NRK: variants seen among roughly 807,000 people sequenced by gnomAD.
NRK encodes Nik related kinase.
A neutral mutation model predicts 125.2 loss-of-function variants in NRK; 67 were observed. The ratio of observed to expected loss-of-function variants is 0.54; its 90% CI spans 0.44 to 0.66. The LOEUF (loss-of-function observed/expected upper bound fraction) is 0.66, where lower values mean the gene tolerates loss of function less well. Among genes scored for constraint, NRK ranks in the 30% least tolerant of loss-of-function variants. NRK has a pLI of 0.00. For missense variants in NRK, 1,224 were observed against 1,192.9 expected, an observed-to-expected ratio of 1.03 and a Z score of -0.38; for synonymous variants, 458 against 429.0, an observed-to-expected ratio of 1.07 and a Z score of -0.84.
intron 4 of NRK, among the ~76,000 whole-genome samples, chrX:105,885,080 C>G (rs1210326729): frequency 1.8e-5 from 2 of 112,185 alleles, no homozygotes; most frequent in African/African-American, 6.5e-5. Context: ...TGTGAGCCAC[C>G]ACGCCAGGCC....
intron 2 of NRK, among the ~76,000 whole-genome samples, chrX:105,855,501 C>T (rs1330309626): frequency 9.0e-6 from 1 of 111,036 alleles, no homozygotes; most frequent in Non-Finnish European, 1.9e-5. Flanking sequence ...ATCCTTAGGG[C>T]CTCTCACCTC....
chrX:105,927,202 T>C (rs1315492619), intron 19 of NRK, among the ~76,000 whole-genome samples: 1 of 111,062 alleles, frequency 9.0e-6, no homozygotes, highest in African/African-American at 3.3e-5. Flanking sequence ...TTTCACCTCA[T>C]TGGTTAAATT....
At chrX:105,955,168 T>C (rs1172710502) in intron 28 of NRK, among the ~76,000 whole-genome samples, 1 of 111,551 alleles carries the variant, frequency 9.0e-6, no homozygotes, top group Non-Finnish European at 1.9e-5. Flanking sequence ...AAAAGCCAAC[T>C]GGAATATAAG....
intron 14 of NRK, among the ~76,000 whole-genome samples, chrX:105,913,676 C>T (rs2040329623): frequency 9.0e-6 from 1 of 110,706 alleles, no homozygotes; most frequent in African/African-American, 3.3e-5. Flanking sequence ...TACCAAATAC[C>T]CAGAGTTTAA....
rs1192936598 is a variant in NRK, at chrX:105,917,548, A to C, written c.2418-30A>C. 7 of 953,787 alleles carry C rather than the reference A, an allele frequency of 7.3e-6. No individual in the cohort carries two copies. In the South Asian group the frequency reaches 1.7e-4, roughly 23 times the overall value. The allele number at this position is 953,787 out of a possible 1,213,427, so 78.6% of individuals were successfully genotyped here. A position where few individuals can be genotyped will look rare whatever the true frequency, so the allele number is the denominator to read the frequency against. On this transcript the variant is annotated intron_variant, in intron 15 of 28. Transcript: ENST00000243300. Reference sequence around the variant, plus strand: ...ACATTCCCTTTATGAATGTTAGGACATGGCACATGCTTTTCTGTCTTTTCA... The same window carrying C: ...ACATTCCCTTTATGAATGTTAGGACCTGGCACATGCTTTTCTGTCTTTTCA...
chrX:105,920,722 A>G (rs1375212242), intron 16 of NRK, among the ~76,000 whole-genome samples: 29 of 109,803 alleles, frequency 2.6e-4, no homozygotes, highest in Non-Finnish European at 3.0e-4. Context: ...CAAAAAACAC[A>G]TGAAAAAATG....
chrX:105,910,672 G>A (rs2040287784), intron 13 of NRK, among the ~76,000 whole-genome samples: 1 of 111,496 alleles, frequency 9.0e-6, no homozygotes, highest in African/African-American at 3.3e-5. Flanking sequence ...GGAGTTCTGG[G>A]ATGGGGTTTT....
intron 27 of NRK, among the ~76,000 whole-genome samples, chrX:105,951,216 C>A (rs1008170412): frequency 9.1e-6 from 1 of 110,488 alleles, no homozygotes; most frequent in African/African-American, 3.3e-5. Flanking sequence ...CTTTTGTGAT[C>A]GATATGCTAA....
intron 16 of NRK, among the ~76,000 whole-genome samples, chrX:105,921,116 T>C (rs1333256787): frequency 2.0e-5 from 2 of 102,257 alleles, no homozygotes; most frequent in African/African-American, 7.2e-5. Context: ...ATTAAGAAAA[T>C]GTGGCACATA....
At chrX:105,835,129 A>G (rs1327173130) in intron 2 of NRK, among the ~76,000 whole-genome samples, 1 of 111,563 alleles carries the variant, frequency 9.0e-6, no homozygotes, top group Non-Finnish European at 1.9e-5. Flanking sequence ...AGTAAATAGT[A>G]TTTATTTCTT....
intron 2 of NRK, among the ~76,000 whole-genome samples, chrX:105,875,055 T>C (rs2039796186): frequency 8.9e-6 from 1 of 111,798 alleles, no homozygotes; most frequent in Admixed American, 9.5e-5. Flanking sequence ...CATGGTAGCA[T>C]ATATTTTTTC....
In NRK at chrX:105,944,021, G is replaced by C; in HGVS notation, c.4039G>C (p.Asp1347His). 8.9e-7 allele frequency: 1 copy of C among 1,128,472 alleles called. No homozygotes were observed. Among genetic ancestry groups the C allele is most frequent in the African/African-American group, 1.8e-5 (1 of 56,193 alleles). 93.0% of individuals were successfully genotyped at this position (1,128,472 alleles called of 1,213,427 possible). The part of the protein sequence containing the change: ...HLYAWAPKSF[D>H]ESTAIKVCID... ...TTATGCATGGGCACCAAAGTCCTTT[G>C]ATGAAAGCACTGCTATTAAAGTGAG... is the stretch of plus-strand genomic sequence containing the variant. Residue 1347 changes from aspartate to histidine, a missense_variant, in exon 24 of 29, where the codon GAT becomes CAT. Transcript: ENST00000243300.
At position 105,927,845 on chromosome X, in the gene NRK, A is replaced by G. The variant is rs780606263; in HGVS notation, c.3312+2814A>G. ...GATAAATCACACTCAATCATGGTGT[A>G]TAATATTTTTGATATGGTATTGGAT... On this transcript the variant is annotated intron_variant, in intron 19 of 28. Transcript: ENST00000243300. Among the ~76,000 whole-genome samples, 19 of 111,613 alleles carry G rather than the reference A, an allele frequency of 1.7e-4. No homozygotes were observed. The South Asian group carries it at 2.2e-3, about 13-fold the overall frequency.
chrX:105,932,474 T>C lies in NRK; in HGVS notation c.3313-1784T>C, dbSNP rs764792717. 5.3e-5 allele frequency among the ~76,000 whole-genome samples: 6 copies of C among 112,787 alleles called. No individual in the cohort carries two copies. The East Asian group carries it at 1.7e-3, about 31-fold the overall frequency. ...GATTTTGTCATTCACAAAACATTTA[T>C]TGACTTTATAAATAGGTTTAAAATA... On this transcript the variant is annotated intron_variant, in intron 19 of 28. Transcript: ENST00000243300.
intron 2 of NRK, among the ~76,000 whole-genome samples, chrX:105,866,421 A>G (rs186544698): frequency 9.0e-6 from 1 of 111,388 alleles, no homozygotes; most frequent in African/African-American, 3.2e-5. Context: ...AATCAAGGTT[A>G]GAAAATAAAA....
chrX:105,831,567 G>GA (rs763479713), intron 2 of NRK, among the ~76,000 whole-genome samples: 8 of 111,935 alleles, frequency 7.1e-5, no homozygotes, highest in Non-Finnish European at 1.3e-4. Context: ...AATCTAACAA[G>GA]AAAAAATCTG....
At chrX:105,891,577 G>C (rs967927575) in intron 5 of NRK, among the ~76,000 whole-genome samples, 1 of 111,512 alleles carries the variant, frequency 9.0e-6, no homozygotes, top group African/African-American at 3.3e-5. Flanking sequence ...TTCAACAAGG[G>C]GTGGAATTGA....
intron 10 of NRK, among the ~76,000 whole-genome samples, chrX:105,905,573 C>T (rs746823890): frequency 3.0e-4 from 34 of 112,735 alleles, no homozygotes; most frequent in Non-Finnish European, 5.6e-4. Flanking sequence ...TATTACTGTA[C>T]TGCCATTAAT....
At chrX:105,839,475 CT>C (rs2039303844) in intron 2 of NRK, among the ~76,000 whole-genome samples, 1 of 111,521 alleles carries the variant, frequency 9.0e-6, no homozygotes, top group African/African-American at 3.3e-5. Context: ...AGAGCTATGT[CT>C]TGGTTCCACC....
Sources: gnomAD v4.1 joint callset for allele counts (sites outside exome capture counted in the v4.1 genomes callset) on GRCh38, gnomAD v4.1.1 for gene constraint, MANE v1.5 for transcripts, NCBI Gene and HGNC (gene_info 2026-07-23, HGNC 2026-07-21) for gene names.